The following CLASP1 variants were observed in gnomAD, a reference collection of about 807,000 sequenced individuals.
CLASP1 encodes cytoplasmic linker associated protein 1, also known as CLIP-associating protein 1.
CLASP1 carries 38 observed loss-of-function variants against 192.3 expected under a neutral mutation model. That is an observed-to-expected ratio of 0.20 (90% CI 0.15 to 0.26). The LOEUF (loss-of-function observed/expected upper bound fraction) is 0.26. CLASP1 is among the 10% of genes least tolerant of loss of function. The probability of loss-of-function intolerance (pLI) is 1.00; values close to 1 mark genes in which losing one functional copy is unlikely to be tolerated. For synonymous variants in CLASP1, 691 were observed against 712.8 expected (o/e 0.97, Z 0.49); for missense variants, 1,433 against 1,932.5 (o/e 0.74, Z 4.85).
chr2:121,644,981 CAA>C (rs1031620227), intron 1 of CLASP1, among the ~76,000 whole-genome samples: 2 of 140,004 alleles, frequency 1.4e-5, no homozygotes, highest in Non-Finnish European at 3.1e-5. Context: ...AAAAAAAAAA[CAA>C]GAGTTGCCTA....
chr2:121,488,218 A>G (rs1020807443), intron 8 of CLASP1, among the ~76,000 whole-genome samples: 2 of 152,204 alleles, frequency 1.3e-5, no homozygotes, highest in Admixed American at 1.3e-4. Context: ...ATACCTTTCC[A>G]TATCTACACA....
intron 2 of CLASP1, chr2:121,531,128 A>G: frequency 4.8e-6 from 3 of 620,556 alleles, no homozygotes; most frequent in Non-Finnish European, 8.8e-6. Flanking sequence ...TCGCAAGTAA[A>G]GTTCTTTCAG....
intron 23 of CLASP1, among the ~76,000 whole-genome samples, chr2:121,413,473 A>T (rs2078060164): frequency 6.6e-6 from 1 of 152,172 alleles, no homozygotes; most frequent in Non-Finnish European, 1.5e-5. Flanking sequence ...TAACAAATTG[A>T]TGTATTACTG....
Position 121,494,158 on chromosome 2 carries a change from C to T in CLASP1, c.712+9009G>A, listed in dbSNP as rs572125620. Among the ~76,000 whole-genome samples, 5 of 152,310 alleles carry T rather than the reference C, an allele frequency of 3.3e-5. No individual in the cohort carries two copies. In the South Asian group the frequency reaches 1.0e-3, roughly 32 times the overall value. ...AGAGATACCTGCACTGCCATGTTTA[C>T]TGCAGCACTGTTCACAATAGCCAAG... On this transcript the variant is annotated intron_variant, in intron 8 of 39. Transcript: ENST00000263710.
chr2:121,356,206 G>A (rs557184200), intron 37 of CLASP1, among the ~76,000 whole-genome samples: 4 of 152,178 alleles, frequency 2.6e-5, no homozygotes, highest in East Asian at 1.9e-4. Context: ...TCATAGCAGC[G>A]TCTTGAGCTT....
At chr2:121,366,769 A>C (rs1014480734) in intron 35 of CLASP1, among the ~76,000 whole-genome samples, 1 of 152,230 alleles carries the variant, frequency 6.6e-6, no homozygotes, top group African/African-American at 2.4e-5. Flanking sequence ...ATTTTTTTAA[A>C]AGCACTATCA....
At chr2:121,592,150 G>A (rs2062481286) in intron 2 of CLASP1, among the ~76,000 whole-genome samples, 1 of 152,094 alleles carries the variant, frequency 6.6e-6, no homozygotes, top group South Asian at 2.1e-4. Flanking sequence ...TGAATAACCT[G>A]GATCTCACTT....
intron 34 of CLASP1, 62 bp downstream of exon 35, chr2:121,377,437 A>AGAAGTCTCATTATCTGT: frequency 8.4e-7 from 1 of 1,186,860 alleles, no homozygotes; most frequent in Non-Finnish European, 1.2e-6. Context: ...GTCAGTGTTC[A>AGAAGTCTCATTATCTGT]GAAGTCTCAT....
intron 1 of CLASP1, among the ~76,000 whole-genome samples, chr2:121,636,676 C>G (rs997642418): frequency 2.3e-4 from 35 of 151,764 alleles, no homozygotes; most frequent in African/African-American, 8.0e-4. Flanking sequence ...AAAAAAATAA[C>G]AATAATAATA....
chr2:121,369,264 T>A (rs1030023585), intron 34 of CLASP1, among the ~76,000 whole-genome samples: 13 of 152,204 alleles, frequency 8.5e-5, no homozygotes, highest in African/African-American at 3.1e-4. Context: ...ATTTGGTTTC[T>A]AACACCCACA....
intron 6 of CLASP1, among the ~76,000 whole-genome samples, chr2:121,521,406 G>A (rs1352424227): frequency 6.6e-6 from 1 of 152,190 alleles, no homozygotes; most frequent in Non-Finnish European, 1.5e-5. Context: ...GGCCAACCGT[G>A]CGTGTGGTAC....
At chr2:121,548,680 C>G (rs983085763) in intron 2 of CLASP1, among the ~76,000 whole-genome samples, 1 of 151,712 alleles carries the variant, frequency 6.6e-6, no homozygotes, top group Non-Finnish European at 1.5e-5. Flanking sequence ...AGGTCACCTA[C>G]AAAGGGAACC....
At chr2:121,462,208 T>C (rs1302393385) in intron 10 of CLASP1, among the ~76,000 whole-genome samples, 1 of 150,612 alleles carries the variant, frequency 6.6e-6, no homozygotes, top group East Asian at 1.9e-4. Flanking sequence ...TTCAAACTTA[T>C]GAATTAAAAA....
At chr2:121,541,409 A>G (rs2095230908) in intron 2 of CLASP1, among the ~76,000 whole-genome samples, 1 of 152,238 alleles carries the variant, frequency 6.6e-6, no homozygotes, top group Admixed American at 6.5e-5. Context: ...GGAAATAAGG[A>G]AAATAAAGAC....
intron 19 of CLASP1, among the ~76,000 whole-genome samples, chr2:121,433,205 C>G (rs1304744016): frequency 6.6e-6 from 1 of 151,822 alleles, no homozygotes; most frequent in East Asian, 1.9e-4. Flanking sequence ...GTCTGTAATC[C>G]CAGCTACTTG....
chr2:121,341,694 G>C (rs987616538), intron 39 of CLASP1, among the ~76,000 whole-genome samples: 1 of 152,148 alleles, frequency 6.6e-6, no homozygotes, highest in African/African-American at 2.4e-5. Flanking sequence ...ATAAGACTTC[G>C]ATACTCCACC....
At chr2:121,646,052 T>C (rs1398273501) in intron 1 of CLASP1, among the ~76,000 whole-genome samples, 1 of 152,212 alleles carries the variant, frequency 6.6e-6, no homozygotes, top group African/African-American at 2.4e-5. Flanking sequence ...AACCAAAAAC[T>C]GTATCAGCGA....
intron 23 of CLASP1, among the ~76,000 whole-genome samples, chr2:121,412,223 A>G (rs77705009): frequency 0.013 from 2,045 of 152,308 alleles, 41 homozygotes; most frequent in African/African-American, 0.046. Context: ...AAACACTGCT[A>G]ATCAATAGTT....
At chr2:121,411,282 T>C (rs992459521) in intron 23 of CLASP1, among the ~76,000 whole-genome samples, 4 of 152,256 alleles carry the variant, frequency 2.6e-5, no homozygotes, top group Admixed American at 6.5e-5. Context: ...TTTAATCTAT[T>C]TAGCTTTCCC....
Sources: gnomAD v4.1 joint callset for allele counts (sites outside exome capture counted in the v4.1 genomes callset) on GRCh38, gnomAD v4.1.1 for gene constraint, MANE v1.5 for transcripts, NCBI Gene and HGNC (gene_info 2026-07-23, HGNC 2026-07-21) for gene names.